Variants in VRK2 observed in about 807,000 individuals in gnomAD.
VRK2 encodes the protein serine/threonine-protein kinase VRK2.
A neutral mutation model predicts 57.6 loss-of-function variants in VRK2; 60 were observed. The observed-to-expected ratio is 1.04, with a 90% CI of 0.85 to 1.29. VRK2 has a LOEUF of 1.29. VRK2 is among the 50% of genes most tolerant of loss of function. VRK2 has a pLI of 0.00. For synonymous variants in VRK2, 231 were observed against 199.2 expected (o/e 1.16, Z -1.35); for missense variants, 705 against 588.1 (o/e 1.20, Z -2.06).
chr2:58,151,648 A>G (rs1683046013), intron 12 of VRK2, among the ~76,000 whole-genome samples: 1 of 122,752 alleles, frequency 8.1e-6, no homozygotes, highest in African/African-American at 3.1e-5. Context: ...TTTTTGCCCC[A>G]TTTGTTCTTT....
intron 7 of VRK2, among the ~76,000 whole-genome samples, chr2:58,103,824 G>A: frequency 6.6e-6 from 1 of 151,726 alleles, no homozygotes; most frequent in Non-Finnish European, 1.5e-5. Flanking sequence ...TATCCCTGAT[G>A]ACCATAGATG....
intron 2 of VRK2, among the ~76,000 whole-genome samples, chr2:58,074,202 T>C (rs575878068): frequency 6.6e-6 from 1 of 152,152 alleles, no homozygotes. Flanking sequence ...GGGTTTCCTA[T>C]AGACATCATA....
chr2:58,074,532 A>G (rs1669813817), intron 2 of VRK2, among the ~76,000 whole-genome samples: 1 of 152,096 alleles, frequency 6.6e-6, no homozygotes, highest in Admixed American at 6.6e-5. Flanking sequence ...TTCAAATAAC[A>G]CTATACTACT....
At chr2:58,064,544 C>T (rs10203014) in intron 2 of VRK2, among the ~76,000 whole-genome samples, 9,731 of 152,128 alleles carry the variant, frequency 0.064, 1,050 homozygotes, top group African/African-American at 0.22. Flanking sequence ...TAATAAACTA[C>T]AGTATAGTGT....
chr2:57,972,432 C>A (rs553490926), intron 1 of VRK2, among the ~76,000 whole-genome samples: 1 of 151,784 alleles, frequency 6.6e-6, no homozygotes, highest in East Asian at 1.9e-4. Flanking sequence ...AACAGTTACA[C>A]GATAATACCA....
chr2:58,154,902 C>A, intron 12 of VRK2: 1 of 578,352 alleles, frequency 1.7e-6, no homozygotes. Context: ...AATATATTTC[C>A]CCTTGAGACT....
intron 1 of VRK2, among the ~76,000 whole-genome samples, chr2:58,016,905 T>A (rs1428195637): frequency 6.6e-6 from 1 of 152,212 alleles, no homozygotes; most frequent in African/African-American, 2.4e-5. Context: ...GACTGGCGAA[T>A]TTTCTGTTTG....
At chr2:58,121,195 A>G (rs979657190) in intron 7 of VRK2, among the ~76,000 whole-genome samples, 2 of 152,242 alleles carry the variant, frequency 1.3e-5, no homozygotes, top group Non-Finnish European at 2.9e-5. Flanking sequence ...GGCACTTAGC[A>G]TACTGCTTGG....
At chr2:57,960,607 T>G (rs921442957) in intron 1 of VRK2, among the ~76,000 whole-genome samples, 1 of 152,184 alleles carries the variant, frequency 6.6e-6, no homozygotes. Context: ...TGGTCATGAG[T>G]GAGGGTTCAT....
chr2:58,067,751 G>A lies in VRK2; in HGVS notation c.137-16338G>A, dbSNP rs553387480. ...CAGTTCATGTTACATGTTTTGCTCC[G>A]TCTGTTAAATATATTTTGAAGAACT... is the stretch of plus-strand genomic sequence containing the variant. On this transcript the variant is annotated intron_variant, in intron 2 of 12. Transcript: ENST00000340157. Among the ~76,000 whole-genome samples the A allele has an allele frequency of 3.9e-5, 6 of 152,004 alleles. No individual in the cohort carries two copies. In the South Asian group the frequency reaches 6.2e-4, roughly 16 times the overall value.
intron 1 of VRK2, chr2:58,047,105 C>CTT (rs1558561798): frequency 2.0e-6 from 1 of 497,108 alleles, no homozygotes; most frequent in Non-Finnish European, 2.6e-6. Context: ...TTGCCAAAAG[C>CTT]GGGTCCGACG....
At chr2:58,094,702 A>G (rs1480123761) in intron 7 of VRK2, among the ~76,000 whole-genome samples, 1 of 152,180 alleles carries the variant, frequency 6.6e-6, no homozygotes, top group Non-Finnish European at 1.5e-5. Flanking sequence ...GTGGTTTTCC[A>G]GTTGTTCCAA....
At chr2:57,929,099 C>G (rs192282964) in intron 1 of VRK2, among the ~76,000 whole-genome samples, 1 of 152,152 alleles carries the variant, frequency 6.6e-6, no homozygotes, top group African/African-American at 2.4e-5. Flanking sequence ...CTCTACAATC[C>G]GCAGGTAGCA....
At chr2:58,007,860 C>A (rs1200584793) in intron 1 of VRK2, among the ~76,000 whole-genome samples, 1 of 151,952 alleles carries the variant, frequency 6.6e-6, no homozygotes, top group Non-Finnish European at 1.5e-5. Context: ...TTCGTAAATA[C>A]AACATTTCTA....
intron 1 of VRK2, among the ~76,000 whole-genome samples, chr2:57,927,604 A>G (rs1204740541): frequency 6.6e-6 from 1 of 152,154 alleles, no homozygotes; most frequent in Non-Finnish European, 1.5e-5. Flanking sequence ...TTACAGTTAT[A>G]ATATTCTGTG....
intron 5 of VRK2, among the ~76,000 whole-genome samples, chr2:58,087,166 A>G (rs1671750708): frequency 6.6e-6 from 1 of 152,194 alleles, no homozygotes; most frequent in Non-Finnish European, 1.5e-5. Context: ...TATATACTTT[A>G]TCTTATTTTG....
chr2:57,940,187 T>C (rs1671047767), intron 1 of VRK2, among the ~76,000 whole-genome samples: 1 of 152,150 alleles, frequency 6.6e-6, no homozygotes, highest in Non-Finnish European at 1.5e-5. Context: ...TGATCTGCTA[T>C]CTGCAGGATG....
chr2:58,157,129 T>G (rs1452783498), intron 12 of VRK2, among the ~76,000 whole-genome samples: 1 of 152,214 alleles, frequency 6.6e-6, no homozygotes, highest in Admixed American at 6.5e-5. Flanking sequence ...GAGCTTTGTT[T>G]TAGATCCCTA....
chr2:57,958,443 A>T (rs1671652995), intron 1 of VRK2, among the ~76,000 whole-genome samples: 1 of 142,086 alleles, frequency 7.0e-6, no homozygotes, highest in South Asian at 2.1e-4. Flanking sequence ...ACATGTATAT[A>T]TATTTGTATA....
Sources: allele counts gnomAD v4.1 joint callset (sites outside exome capture counted in the v4.1 genomes callset), GRCh38; gene constraint gnomAD v4.1.1; transcripts MANE v1.5; gene names NCBI Gene and HGNC (gene_info 2026-07-23, HGNC 2026-07-21).